PCDH11X: variants seen among roughly 807,000 people sequenced by gnomAD.
PCDH11X encodes the protein protocadherin 11 X-linked.
In PCDH11X, 18 loss-of-function variants were observed where a neutral mutation model predicts 53.3. The observed-to-expected ratio is 0.34, with a 90% confidence interval of 0.23 to 0.50. The LOEUF (loss-of-function observed/expected upper bound fraction) is 0.50, where lower values mean the gene tolerates loss of function less well. Ranked by LOEUF, PCDH11X falls within the 20% of genes least tolerant of loss-of-function variation. PCDH11X has a pLI of 0.98. For missense variants in PCDH11X, 570 were observed against 1,032.4 expected, an observed-to-expected ratio of 0.55 and a Z score of 6.14; for synonymous variants, 279 against 393.3, an observed-to-expected ratio of 0.71 and a Z score of 3.44.
At chrX:92,118,082 G>A (rs1010957170) in intron 6 of PCDH11X, among the ~76,000 whole-genome samples, 2 of 110,906 alleles carry the variant, frequency 1.8e-5, no homozygotes, top group Admixed American at 9.7e-5. Flanking sequence ...TAGTCTTAAC[G>A]GCCACAAATG....
At chrX:91,932,014 G>A (rs1201013152) in intron 6 of PCDH11X, among the ~76,000 whole-genome samples, 1 of 110,527 alleles carries the variant, frequency 9.0e-6, no homozygotes, top group Non-Finnish European at 1.9e-5. Context: ...AGTGTGTGTT[G>A]TTCCCCGCTC....
intron 5 of PCDH11X, among the ~76,000 whole-genome samples, chrX:91,841,322 T>C (rs1214788953): frequency 9.0e-6 from 1 of 111,695 alleles, no homozygotes; most frequent in Non-Finnish European, 1.9e-5. Flanking sequence ...TCCCACAGTA[T>C]GGATGGACAC....
At chrX:91,975,043 C>T (rs1418317652) in intron 6 of PCDH11X, among the ~76,000 whole-genome samples, 8 of 111,155 alleles carry the variant, frequency 7.2e-5, no homozygotes, top group East Asian at 2.8e-4. Flanking sequence ...TGAGCCGCCA[C>T]GCCTGGCCTT....
At position 92,418,653 on chromosome X, in the gene PCDH11X, A is replaced by T. The variant is rs777507858; in HGVS notation, c.3343+30720A>T. Among the ~76,000 whole-genome samples, 6 of 109,052 alleles carry T rather than the reference A, an allele frequency of 5.5e-5. No individual in the cohort carries two copies. The South Asian group carries it at 1.6e-3, about 29-fold the overall frequency. 94.7% of individuals were successfully genotyped at this position (109,052 alleles called of 115,157 possible). A position where few individuals can be genotyped will look rare whatever the true frequency, so the allele number is the denominator to read the frequency against. On this transcript the variant is annotated intron_variant, in intron 9 of 10. Transcript: ENST00000682573. ...GTCACTCAGGCTGGAGTGTAGTGGTACGATCATAGTTTACTGTGACCTCAA... is the reference window on the plus strand; with the variant it reads ...GTCACTCAGGCTGGAGTGTAGTGGTTCGATCATAGTTTACTGTGACCTCAA...
At chrX:92,002,357 G>A (rs888983458) in intron 6 of PCDH11X, among the ~76,000 whole-genome samples, 2 of 107,648 alleles carry the variant, frequency 1.9e-5, no homozygotes, top group African/African-American at 6.7e-5. Flanking sequence ...TTGTTCTTTC[G>A]CTTAGAATAG....
chrX:92,582,294 T>C (rs1230140982), intron 10 of PCDH11X, among the ~76,000 whole-genome samples: 1 of 104,237 alleles, frequency 9.6e-6, no homozygotes, highest in Admixed American at 1.0e-4. Context: ...AAAAATAGGT[T>C]TGTGGTCCCG....
At chrX:91,949,832 A>G (rs965119033) in intron 6 of PCDH11X, among the ~76,000 whole-genome samples, 9 of 108,742 alleles carry the variant, frequency 8.3e-5, no homozygotes, top group Non-Finnish European at 1.3e-4. Context: ...TCAGTAAAAA[A>G]GAACTATCAC....
At chrX:92,419,764 C>T (rs1464240775) in intron 9 of PCDH11X, among the ~76,000 whole-genome samples, 1 of 90,312 alleles carries the variant, frequency 1.1e-5, no homozygotes, top group South Asian at 7.4e-4. Flanking sequence ...ACTGCAACCT[C>T]TGCCTCCCAG....
At chrX:91,996,076 T>C (rs1413111038) in intron 6 of PCDH11X, among the ~76,000 whole-genome samples, 2 of 105,468 alleles carry the variant, frequency 1.9e-5, no homozygotes, top group South Asian at 4.5e-4. Flanking sequence ...CTCCTGACCT[T>C]GTGATCCGCC....
At chrX:91,969,177 A>G (rs1353460758) in intron 6 of PCDH11X, among the ~76,000 whole-genome samples, 1 of 109,899 alleles carries the variant, frequency 9.1e-6, no homozygotes, top group Non-Finnish European at 1.9e-5. Flanking sequence ...TGTAGTTGGT[A>G]TAAAAAATAG....
chrX:91,789,119 T>A (rs1223736850), intron 1 of PCDH11X, among the ~76,000 whole-genome samples: 1 of 102,071 alleles, frequency 9.8e-6, no homozygotes, highest in Non-Finnish European at 2.0e-5. Flanking sequence ...GGAGAATCCC[T>A]TGAACCCGCG....
At chrX:92,367,822 C>T (rs1193981051) in intron 8 of PCDH11X, among the ~76,000 whole-genome samples, 2 of 111,483 alleles carry the variant, frequency 1.8e-5, no homozygotes, top group East Asian at 2.8e-4. Flanking sequence ...TGAATATTGG[C>T]CCCCACCCTC....
intron 10 of PCDH11X, among the ~76,000 whole-genome samples, chrX:92,604,808 A>G (rs1926612679): frequency 9.2e-6 from 1 of 109,151 alleles, no homozygotes; most frequent in Non-Finnish European, 1.9e-5. Flanking sequence ...TCCGGCAATA[A>G]AAGACTTTAA....
At chrX:91,964,347 C>T (rs2061835266) in intron 6 of PCDH11X, among the ~76,000 whole-genome samples, 1 of 110,160 alleles carries the variant, frequency 9.1e-6, no homozygotes, top group Non-Finnish European at 1.9e-5. Context: ...CCAGACTAGC[C>T]AATGCAAACT....
chrX:91,901,862 T>C (rs1197761408), intron 6 of PCDH11X, among the ~76,000 whole-genome samples: 1 of 111,867 alleles, frequency 8.9e-6, no homozygotes, highest in Non-Finnish European at 1.9e-5. Context: ...CAAGACAGTA[T>C]GGGAATAATT....
At chrX:92,295,386 G>A (rs944078799) in intron 8 of PCDH11X, among the ~76,000 whole-genome samples, 9 of 110,604 alleles carry the variant, frequency 8.1e-5, no homozygotes, top group African/African-American at 2.3e-4. Context: ...AATAATTTTC[G>A]TAGATTCCTT....
chrX:92,535,486 A>T (rs1469129702), intron 10 of PCDH11X, among the ~76,000 whole-genome samples: 1 of 110,864 alleles, frequency 9.0e-6, no homozygotes, highest in African/African-American at 3.3e-5. Context: ...ATACATAGAC[A>T]TATAGAGGGG....
chrX:92,208,508 A>AATATATATATATATATATAT (rs58212809), intron 7 of PCDH11X, among the ~76,000 whole-genome samples: 906 of 30,440 alleles, frequency 0.03, 134 homozygotes, highest in African/African-American at 0.038. Context: ...CCCTGAAACT[A>AATATATATATATATATATAT]ATATATATAT....
At chrX:92,467,399 A>G (rs1452635629) in intron 9 of PCDH11X, among the ~76,000 whole-genome samples, 1 of 110,986 alleles carries the variant, frequency 9.0e-6, no homozygotes, top group East Asian at 2.8e-4. Flanking sequence ...CAAATTCAAA[A>G]TGTTTATCTT....
Sources: gnomAD v4.1 joint callset for allele counts (sites outside exome capture counted in the v4.1 genomes callset) on GRCh38, gnomAD v4.1.1 for gene constraint, MANE v1.5 for transcripts, NCBI Gene and HGNC (gene_info 2026-07-23, HGNC 2026-07-21) for gene names.